Variants in TENM2 observed in about 807,000 individuals in gnomAD.
TENM2 encodes the protein teneurin-2.
In TENM2, 52 loss-of-function variants were observed where a neutral mutation model predicts 245.2. The ratio of observed to expected loss-of-function variants is 0.21; its 90% CI spans 0.17 to 0.27. The LOEUF (loss-of-function observed/expected upper bound fraction) is 0.27. Ranked by LOEUF, TENM2 falls within the 10% of genes least tolerant of loss-of-function variation. The pLI is 1.00. For missense variants in TENM2, 3,046 were observed against 3,666.8 expected, an observed-to-expected ratio of 0.83 and a Z score of 4.37; for synonymous variants, 1,363 against 1,438.9, an observed-to-expected ratio of 0.95 and a Z score of 1.19.
the TENM2 span, among the ~76,000 whole-genome samples, chr5:167,268,157 AAAGTGGT>A: frequency 6.6e-6 from 1 of 152,190 alleles, no homozygotes; most frequent in South Asian, 2.1e-4. Flanking sequence ...TAGAGATGGA[AAAGTGGT>A]ATAAGAAAAT....
chr5:167,078,063 A>C, the TENM2 span, among the ~76,000 whole-genome samples: 1 of 151,958 alleles, frequency 6.6e-6, no homozygotes, highest in Non-Finnish European at 1.5e-5. Flanking sequence ...AATTTAATAG[A>C]AATTAAATAT....
At chr5:167,496,005 T>G (rs1020872970) in intron 2 of TENM2, among the ~76,000 whole-genome samples, 1 of 151,954 alleles carries the variant, frequency 6.6e-6, no homozygotes, top group East Asian at 1.9e-4. Flanking sequence ...AAAACCAGAA[T>G]GAAGAAAATT....
intron 11 of TENM2, among the ~76,000 whole-genome samples, chr5:168,125,325 A>C (rs1387941749): frequency 6.6e-6 from 1 of 152,160 alleles, no homozygotes; most frequent in East Asian, 1.9e-4. Flanking sequence ...TCTTATGTAC[A>C]TTCCCTAAAG....
intron 2 of TENM2, among the ~76,000 whole-genome samples, chr5:167,833,990 G>T (rs914459347): frequency 1.3e-5 from 2 of 152,184 alleles, no homozygotes; most frequent in African/African-American, 2.4e-5. Flanking sequence ...TTCAACAAAT[G>T]GTTCTAGATG....
chr5:167,431,093 A>C (rs1483581923), intron 2 of TENM2, among the ~76,000 whole-genome samples: 1 of 152,210 alleles, frequency 6.6e-6, no homozygotes, highest in Non-Finnish European at 1.5e-5. Context: ...TTGAATATAG[A>C]ACAAATGATC....
At chr5:167,784,260 A>C (rs1013419469) in intron 2 of TENM2, among the ~76,000 whole-genome samples, 2 of 152,126 alleles carry the variant, frequency 1.3e-5, no homozygotes, top group East Asian at 3.9e-4. Context: ...AAATGGGGAA[A>C]CAAATAGTGA....
chr5:167,371,001 T>G (rs1401890015), intron 1 of TENM2, among the ~76,000 whole-genome samples: 2 of 152,218 alleles, frequency 1.3e-5, no homozygotes, highest in Non-Finnish European at 2.9e-5. Context: ...GTTGAGCTAG[T>G]ATTAAAAATG....
chr5:167,872,523 A>G (rs1773017772), intron 2 of TENM2, among the ~76,000 whole-genome samples: 1 of 50,010 alleles, frequency 2.0e-5, no homozygotes, highest in African/African-American at 5.6e-5. Context: ...AAAGAAAGAA[A>G]GAAAGAAAGA....
the TENM2 span, among the ~76,000 whole-genome samples, chr5:167,216,124 G>A: frequency 1.3e-5 from 2 of 151,998 alleles, no homozygotes; most frequent in African/African-American, 4.8e-5. Flanking sequence ...AGGTTCAGTC[G>A]CTTGCTCAAT....
intron 2 of TENM2, among the ~76,000 whole-genome samples, chr5:167,468,617 C>G (rs1194092513): frequency 2.6e-5 from 4 of 152,148 alleles, no homozygotes; most frequent in Non-Finnish European, 5.9e-5. Flanking sequence ...AGAAAGCTAG[C>G]AGGCAAAGTT....
At chr5:167,101,027 T>TC in the TENM2 span, among the ~76,000 whole-genome samples, 1 of 152,180 alleles carries the variant, frequency 6.6e-6, no homozygotes, top group Non-Finnish European at 1.5e-5. Flanking sequence ...ACTTTTCAAA[T>TC]ATATGGTTGT....
At chr5:167,353,510 T>TTTTG (rs1561886579) in intron 1 of TENM2, among the ~76,000 whole-genome samples, 9 of 120,178 alleles carry the variant, frequency 7.5e-5, no homozygotes, top group Non-Finnish European at 1.6e-4. Context: ...GTTTTTTTTT[T>TTTTG]TTTTTTTTTT....
At chr5:167,644,032 T>C (rs560067145) in intron 2 of TENM2, among the ~76,000 whole-genome samples, 22 of 152,306 alleles carry the variant, frequency 1.4e-4, no homozygotes, top group African/African-American at 5.3e-4. Context: ...TATTTACATA[T>C]TGTCTTTGCT....
Position 168,218,727 on chromosome 5 carries a change from G to T in TENM2, c.4836G>T (p.Glu1612Asp). 1 of 1,614,040 alleles carries T rather than the reference G, an allele frequency of 6.2e-7. No individual in the cohort carries two copies. Among genetic ancestry groups the T allele is most frequent in the Non-Finnish European group, 8.5e-7 (1 of 1,179,908 alleles). Reference sequence around the variant, plus strand: ...ACACTGTGAGCCTGGTGACAGGGGAGTACTTGTACAATTTCACATATAGTA... The same window carrying T: ...ACACTGTGAGCCTGGTGACAGGGGATTACTTGTACAATTTCACATATAGTA... The change falls in exon 23 of 29, where the codon GAG (glutamate) becomes GAT (aspartate). Residue 1612 changes from glutamate (E) to aspartate (D), a missense_variant. Glu to Asp is a conservative substitution (Grantham distance 45, BLOSUM62 2). Transcript: ENST00000518659. This position sits in a 1 kb window ranked among gnomAD's most constrained non-coding sequence, Gnocchi z 5.2.
At chr5:168,119,626 A>G (rs1308314506) in intron 10 of TENM2, among the ~76,000 whole-genome samples, 1 of 152,216 alleles carries the variant, frequency 6.6e-6, no homozygotes, top group South Asian at 2.1e-4. Flanking sequence ...AGACCCTCTC[A>G]GCCCCTTGCC....
intron 10 of TENM2, among the ~76,000 whole-genome samples, chr5:168,123,797 C>T (rs139112030): frequency 2.0e-5 from 3 of 152,296 alleles, no homozygotes; most frequent in East Asian, 3.9e-4. Context: ...TCATTCAAAC[C>T]GTATATTACA....
At chr5:167,324,576 A>G (rs1756974071) in intron 1 of TENM2, among the ~76,000 whole-genome samples, 1 of 152,034 alleles carries the variant, frequency 6.6e-6, no homozygotes, top group Non-Finnish European at 1.5e-5. Flanking sequence ...CTTTTTATTT[A>G]TGGAAAAAAA....
At chr5:168,129,152 G>A (rs1024095792) in intron 12 of TENM2, 2 of 152,176 alleles carry the variant, frequency 1.3e-5, no homozygotes, top group Non-Finnish European at 2.9e-5. Context: ...AAATGCTTCC[G>A]GGGCCCTTGA....
At chr5:168,182,907 T>A (rs944646952) in intron 13 of TENM2, among the ~76,000 whole-genome samples, 58 of 147,068 alleles carry the variant, frequency 3.9e-4, no homozygotes, top group Admixed American at 3.9e-3. Flanking sequence ...TGGGCCTCAC[T>A]GCAACCTCCG....
Sources: gnomAD v4.1 joint callset for allele counts (sites outside exome capture counted in the v4.1 genomes callset) on GRCh38, gnomAD v4.1.1 for gene constraint, Gnocchi (gnomAD v3.1) non-coding constraint, MANE v1.5 for transcripts, NCBI Gene and HGNC (gene_info 2026-07-23, HGNC 2026-07-21) for gene names.